SETBP1: variants seen among roughly 807,000 people sequenced by gnomAD.
SETBP1 encodes the protein SET binding protein 1, also known as SET-binding protein.
In SETBP1, 9 loss-of-function variants were observed where a neutral mutation model predicts 101.0. That is an observed-to-expected ratio of 0.09 (90% CI 0.05 to 0.16). The LOEUF (loss-of-function observed/expected upper bound fraction) is 0.16, where lower values mean the gene tolerates loss of function less well. Ranked by LOEUF, SETBP1 falls within the 10% of genes least tolerant of loss-of-function variation. SETBP1 has a pLI of 1.00. For missense variants in SETBP1, 1,858 were observed against 2,033.8 expected (o/e 0.91, Z 1.66); for synonymous variants, 818 against 788.5 (o/e 1.04, Z -0.63).
intron 2 of SETBP1, among the ~76,000 whole-genome samples, chr18:44,741,512 T>A (rs2070096441): frequency 6.6e-6 from 1 of 152,142 alleles, no homozygotes; most frequent in Non-Finnish European, 1.5e-5. Context: ...ATGCTGAAGA[T>A]CTATTTTTTA....
chr18:44,893,378 G>A (rs1011237227), intron 3 of SETBP1, among the ~76,000 whole-genome samples: 7 of 152,176 alleles, frequency 4.6e-5, no homozygotes, highest in Non-Finnish European at 5.9e-5. Flanking sequence ...TGAAAGATGT[G>A]CAAATGGAAG....
intron 4 of SETBP1, among the ~76,000 whole-genome samples, chr18:45,025,228 C>T (rs1273975251): frequency 6.6e-6 from 1 of 152,144 alleles, no homozygotes; most frequent in East Asian, 1.9e-4. Context: ...AAATCCCAGG[C>T]ACCTCTGTAA....
At chr18:44,932,029 T>C (rs1043678358) in intron 3 of SETBP1, among the ~76,000 whole-genome samples, 2 of 152,232 alleles carry the variant, frequency 1.3e-5, no homozygotes, top group African/African-American at 4.8e-5. Context: ...AGTTTCTTCC[T>C]AGCATTGATG....
intron 2 of SETBP1, among the ~76,000 whole-genome samples, chr18:44,838,973 ATAATCAGGCTCTC>A (rs1442001944): frequency 4.6e-5 from 7 of 152,120 alleles, no homozygotes; most frequent in Non-Finnish European, 8.8e-5. Flanking sequence ...TTTAAAACTA[ATAATCAGGCTCTC>A]TCTCAGGCTG....
chr18:44,828,061 C>T (rs191374269), intron 2 of SETBP1, among the ~76,000 whole-genome samples: 2 of 152,322 alleles, frequency 1.3e-5, no homozygotes, highest in African/African-American at 2.4e-5. Flanking sequence ...TATACATTCA[C>T]ATAAATGTAT....
At chr18:44,894,345 A>C (rs180976773) in intron 3 of SETBP1, among the ~76,000 whole-genome samples, 56 of 152,262 alleles carry the variant, frequency 3.7e-4, no homozygotes, top group African/African-American at 1.3e-3. Flanking sequence ...GGAGACTTGC[A>C]GTTTGCCTCC....
rs1268403852 is a variant in SETBP1 at position 44,952,756 on chromosome 18, G to C, written c.3416G>C (p.Ser1139Thr). The C allele has an allele frequency of 1.2e-6, 2 of 1,614,120 alleles. No homozygotes were observed. Among genetic ancestry groups the C allele is most frequent in the South Asian group, 2.2e-5 (2 of 91,084 alleles). Residue 1139 changes from serine to threonine, a missense_variant, in exon 4 of 6, where the codon AGT (serine) becomes ACT (threonine). By Grantham distance (58) the Ser-to-Thr change is moderately conservative (BLOSUM62 1). Around this residue, in one of 12 missense-constraint regions of SETBP1, gnomAD observed 417 missense variants for 389.1 expected, o/e 1.07. Transcript: ENST00000649279. ...QPSLNPPKVG[S>T]ASLSSGRLHK... ...TCTCTGAACCCTCCCAAGGTAGGCA[G>C]TGCCAGTCTGTCCAGTGGTCGGCTC...
intron 3 of SETBP1, among the ~76,000 whole-genome samples, chr18:44,935,231 G>A (rs572352535): frequency 6.6e-6 from 1 of 152,258 alleles, no homozygotes; most frequent in South Asian, 2.1e-4. Flanking sequence ...TGGAATTTTA[G>A]ATGAATTCAG....
Position 44,953,203 on chromosome 18 carries a change from A to G in SETBP1, c.3863A>G (p.Asn1288Ser), listed in dbSNP as rs1188555070. 1 of 1,614,154 alleles carries G rather than the reference A, an allele frequency of 6.2e-7. No individual in the cohort carries two copies. The highest frequency in any genetic ancestry group is 1.3e-5 in the African/African-American group (1 of 75,032). ...GTGTTCAGTGAAATGAACCCTTCGAATGACAAGTGGGACAGTGACGTGAGT... is the reference window on the plus strand; with the variant it reads ...GTGTTCAGTGAAATGAACCCTTCGAGTGACAAGTGGGACAGTGACGTGAGT... The part of the protein sequence containing the change: ...LDVFSEMNPS[N>S]DKWDSDVSGS... The change falls in exon 4 of 6, where the codon AAT (asparagine) becomes AGT (serine). Residue 1288 changes from asparagine to serine, a missense_variant. Around this residue, in one of 12 missense-constraint regions of SETBP1, gnomAD observed 417 missense variants for 389.1 expected, o/e 1.07. Transcript: ENST00000649279.
chr18:45,011,277 C>T (rs540873767), intron 4 of SETBP1, among the ~76,000 whole-genome samples: 104 of 152,212 alleles, frequency 6.8e-4, no homozygotes, highest in African/African-American at 2.3e-3. Flanking sequence ...GAGATGGGCC[C>T]CCCGATAAAG....
chr18:44,834,361 C>T (rs2072446419), intron 2 of SETBP1, among the ~76,000 whole-genome samples: 1 of 152,170 alleles, frequency 6.6e-6, no homozygotes, highest in Non-Finnish European at 1.5e-5. Flanking sequence ...CAAGACATGG[C>T]ACCTGGGAAT....
At chr18:44,793,437 A>G (rs890774035) in intron 2 of SETBP1, among the ~76,000 whole-genome samples, 1 of 152,170 alleles carries the variant, frequency 6.6e-6, no homozygotes, top group Admixed American at 6.5e-5. Context: ...ACTGGGCCAG[A>G]TCAGTGCTTC....
In SETBP1 at chr18:44,937,515, G is replaced by C. The variant is rs183428328; in HGVS notation, c.541-12366G>C. 9.1e-3 allele frequency among the ~76,000 whole-genome samples: 1,374 copies of C among 151,652 alleles called. 10 individuals are homozygous for C. The highest frequency in any genetic ancestry group is 0.011 in the Non-Finnish European group (762 of 67,940). ...GCTAGTTTCTAGACAAGGAAGCTCAGGTGTAAGAGGTCAGGTGACGTGTCT... is the reference window on the plus strand; with the variant it reads ...GCTAGTTTCTAGACAAGGAAGCTCACGTGTAAGAGGTCAGGTGACGTGTCT... On this transcript the variant is annotated intron_variant, in intron 3 of 5. Transcript: ENST00000649279.
At chr18:44,827,547 T>TA (rs1268530507) in intron 2 of SETBP1, among the ~76,000 whole-genome samples, 1 of 152,226 alleles carries the variant, frequency 6.6e-6, no homozygotes, top group Non-Finnish European at 1.5e-5. Flanking sequence ...ATGTATATCA[T>TA]TGACGGTCTT....
At position 44,839,835 on chromosome 18, in the gene SETBP1, A is replaced by G. The variant is rs553045464; in HGVS notation, c.487-29395A>G. Among the ~76,000 whole-genome samples the G allele has an allele frequency of 2.9e-4, 44 of 152,332 alleles. No homozygotes were observed. In the South Asian group the frequency reaches 5.2e-3, roughly 18 times the overall value. ...GATGGACAGATAAAGGAGGACTCAGACTTGATATTTGCTGAATGCCCAGTA... is the reference window on the plus strand; with the variant it reads ...GATGGACAGATAAAGGAGGACTCAGGCTTGATATTTGCTGAATGCCCAGTA... On this transcript the variant is annotated intron_variant, in intron 2 of 5. Transcript: ENST00000649279.
chr18:44,720,916 C>T (rs2069577008), intron 2 of SETBP1, among the ~76,000 whole-genome samples: 1 of 144,504 alleles, frequency 6.9e-6, no homozygotes, highest in African/African-American at 2.5e-5. Flanking sequence ...CACCCCCCAC[C>T]CCAACCCCTT....
intron 2 of SETBP1, among the ~76,000 whole-genome samples, chr18:44,733,949 C>T (rs1487087441): frequency 6.6e-6 from 1 of 152,168 alleles, no homozygotes; most frequent in African/African-American, 2.4e-5. Context: ...GGGCATTCAT[C>T]ACAGGATCTG....
chr18:44,872,219 C>A (rs2069292314), intron 3 of SETBP1: 1 of 152,058 alleles, frequency 6.6e-6, no homozygotes, highest in Admixed American at 6.5e-5. Context: ...CTGCATTTTT[C>A]TTTTATGCTT....
At chr18:44,767,464 A>G (rs2070783464) in intron 2 of SETBP1, among the ~76,000 whole-genome samples, 1 of 152,256 alleles carries the variant, frequency 6.6e-6, no homozygotes, top group African/African-American at 2.4e-5. Flanking sequence ...TCTTGAACTT[A>G]AAAGTTTCTA....
Sources: allele counts gnomAD v4.1 joint callset (sites outside exome capture counted in the v4.1 genomes callset), GRCh38; gene constraint gnomAD v4.1.1; regional missense constraint gnomAD v4.1.1; transcripts MANE v1.5; gene names NCBI Gene and HGNC (gene_info 2026-07-23, HGNC 2026-07-21).